The following CSMD1 variants were observed in gnomAD, a reference collection of about 807,000 sequenced individuals.
CSMD1 encodes CUB and Sushi multiple domains 1.
Under a neutral mutation model 417.5 loss-of-function variants are expected in CSMD1, and 213 were observed. That is an observed-to-expected ratio of 0.51 (90% CI 0.46 to 0.57). CSMD1 has a LOEUF of 0.57. CSMD1 is among the 20% of genes least tolerant of loss of function. CSMD1 has a pLI of 0.00. For missense variants in CSMD1, 6,923 were observed against 4,529.7 expected, an observed-to-expected ratio of 1.53 and a Z score of -15.17; for synonymous variants, 2,862 against 1,736.8, an observed-to-expected ratio of 1.65 and a Z score of -16.11.
At chr8:4,351,548 G>T (rs1801094517) in intron 3 of CSMD1, among the ~76,000 whole-genome samples, 1 of 152,214 alleles carries the variant, frequency 6.6e-6, no homozygotes, top group Non-Finnish European at 1.5e-5. Context: ...GTAGAAAGTG[G>T]CCGGTCAGTT....
rs180962765 is a variant in CSMD1, at chr8:4,908,097, T to A, written c.85+86235A>T. On this transcript the variant is annotated intron_variant, in intron 1 of 69. Coordinates refer to ENST00000635120, the MANE Select transcript of CSMD1 (RefSeq NM_033225.6). ...TTTCTTTCTCCATGGAAGTCGTCTA[T>A]GTCCTTCACTTTTGCAGTATAATTT... is the stretch of plus-strand genomic sequence containing the variant. Among the ~76,000 whole-genome samples the A allele has an allele frequency of 2.6e-5, 4 of 152,334 alleles. No homozygotes were observed. The East Asian group carries it at 7.7e-4, about 29-fold the overall frequency.
chr8:4,754,716 G>T (rs995735969), intron 1 of CSMD1, among the ~76,000 whole-genome samples: 1 of 152,040 alleles, frequency 6.6e-6, no homozygotes, highest in Non-Finnish European at 1.5e-5. Flanking sequence ...AAGCATGGTG[G>T]TGGGCGCCTG....
At chr8:3,518,953 C>T (rs1406363761) in intron 10 of CSMD1, among the ~76,000 whole-genome samples, 1 of 152,162 alleles carries the variant, frequency 6.6e-6, no homozygotes, top group Non-Finnish European at 1.5e-5. Flanking sequence ...TTGGTTTCAA[C>T]ACAACAATGT....
chr8:3,357,590 A>T (rs1179987340), intron 21 of CSMD1, among the ~76,000 whole-genome samples: 1 of 152,180 alleles, frequency 6.6e-6, no homozygotes, highest in Middle Eastern at 3.2e-3. Flanking sequence ...GATGAAATAG[A>T]ATAACATTTA....
chr8:4,865,330 G>A (rs990018289), intron 1 of CSMD1, among the ~76,000 whole-genome samples: 11 of 151,736 alleles, frequency 7.2e-5, no homozygotes, highest in South Asian at 2.1e-4. Flanking sequence ...TAAGAATCTC[G>A]TAACTTACTG....
At chr8:4,140,431 G>C (rs1460540221) in intron 3 of CSMD1, among the ~76,000 whole-genome samples, 2 of 150,880 alleles carry the variant, frequency 1.3e-5, no homozygotes, top group Non-Finnish European at 2.9e-5. Context: ...CTGGGAAGTG[G>C]AGGTTGCCGT....
In CSMD1 at chr8:4,596,185, C is replaced by T. The variant is rs62486690; in HGVS notation, c.302+41157G>A. 6.2e-3 allele frequency among the ~76,000 whole-genome samples: 940 copies of T among 152,204 alleles called. 3 individuals carry two copies. Among genetic ancestry groups the T allele is most frequent in the Admixed American group, 9.2e-3 (141 of 15,298 alleles). On this transcript the variant is annotated intron_variant, in intron 2 of 69. Transcript: ENST00000635120. ...GTCTGGAATAATATATACCCACTGA[C>T]ATCAAGTAAGTTTGGTTTTGGTAGG...
At chr8:4,434,655 C>A (rs1165481395) in intron 2 of CSMD1, among the ~76,000 whole-genome samples, 5 of 152,278 alleles carry the variant, frequency 3.3e-5, no homozygotes, top group African/African-American at 1.2e-4. Context: ...AGACATATCA[C>A]AAACCCGATT....
At chr8:4,230,647 G>A (rs1317404531) in intron 3 of CSMD1, among the ~76,000 whole-genome samples, 1 of 152,062 alleles carries the variant, frequency 6.6e-6, no homozygotes, top group Non-Finnish European at 1.5e-5. Flanking sequence ...CTACCAAGTA[G>A]CTCATAATTT....
At chr8:4,121,371 TC>T (rs1306798546) in intron 3 of CSMD1, among the ~76,000 whole-genome samples, 2 of 152,184 alleles carry the variant, frequency 1.3e-5, no homozygotes, top group African/African-American at 4.8e-5. Context: ...CACCTTGGCC[TC>T]CCAAAGGGCT....
intron 7 of CSMD1, among the ~76,000 whole-genome samples, chr8:3,670,506 A>G (rs1042420779): frequency 3.4e-5 from 5 of 145,380 alleles, no homozygotes; most frequent in African/African-American, 1.0e-4. Flanking sequence ...TATCCCATAT[A>G]TATATATATA....
At chr8:4,581,385 T>G (rs983925764) in intron 2 of CSMD1, among the ~76,000 whole-genome samples, 1 of 152,334 alleles carries the variant, frequency 6.6e-6, no homozygotes, top group South Asian at 2.1e-4. Context: ...ATTTTTAACT[T>G]ATATGTTTAA....
intron 7 of CSMD1, among the ~76,000 whole-genome samples, chr8:3,695,228 G>A (rs1444226312): frequency 6.6e-6 from 1 of 151,978 alleles, no homozygotes; most frequent in African/African-American, 2.4e-5. Context: ...TGCAATAAAC[G>A]CTGGAAGACT....
At chr8:3,298,570 C>T (rs958583778) in intron 25 of CSMD1, among the ~76,000 whole-genome samples, 28 of 152,178 alleles carry the variant, frequency 1.8e-4, no homozygotes, top group Admixed American at 1.8e-3. Flanking sequence ...TCTTCTGCCT[C>T]AGCCTCCCGA....
chr8:3,997,439 C>T (rs2740975), intron 5 of CSMD1, among the ~76,000 whole-genome samples: 6,128 of 152,182 alleles, frequency 0.04, 370 homozygotes, highest in East Asian at 0.13. Context: ...CTTGTAGCCA[C>T]GGGCACTTCC....
At chr8:4,660,243 T>C (rs1352425793) in intron 1 of CSMD1, among the ~76,000 whole-genome samples, 1 of 152,020 alleles carries the variant, frequency 6.6e-6, no homozygotes, top group Non-Finnish European at 1.5e-5. Context: ...GAAATTCCCA[T>C]AACCAGTAAG....
chr8:4,469,894 G>C (rs1235238618), intron 2 of CSMD1, among the ~76,000 whole-genome samples: 1 of 151,016 alleles, frequency 6.6e-6, no homozygotes, highest in Non-Finnish European at 1.5e-5. Flanking sequence ...TTGAGACGGA[G>C]TGTCGCTCTG....
chr8:3,585,905 G>T lies in CSMD1; in HGVS notation c.1222+231C>A, dbSNP rs73660317. Among the ~76,000 whole-genome samples the T allele has an allele frequency of 7.6e-3, 1,162 of 152,220 alleles. 17 individuals carry two copies. Among genetic ancestry groups the T allele is most frequent in the African/African-American group, 0.027 (1,115 of 41,518 alleles). ...AGTTATACTCAGTATGTGTGGATTT[G>T]CTCACATCTATCCTCAAATGTAAAA... is the stretch of plus-strand genomic sequence containing the variant. On this transcript the variant is annotated intron_variant, in intron 9 of 69. Coordinates refer to ENST00000635120, the MANE Select transcript of CSMD1 (RefSeq NM_033225.6).
chr8:4,945,069 AAAGG>A (rs1808278952), intron 1 of CSMD1, among the ~76,000 whole-genome samples: 1 of 152,184 alleles, frequency 6.6e-6, no homozygotes, highest in African/African-American at 2.4e-5. Context: ...TTTATCCTAA[AAAGG>A]AAGAAAATCC....
Sources: gnomAD v4.1 joint callset for allele counts (sites outside exome capture counted in the v4.1 genomes callset) on GRCh38, gnomAD v4.1.1 for gene constraint, MANE v1.5 for transcripts, NCBI Gene and HGNC (gene_info 2026-07-23, HGNC 2026-07-21) for gene names.